PDE6D: variants seen among roughly 807,000 people sequenced by gnomAD.
PDE6D encodes the protein retinal rod rhodopsin-sensitive cGMP 3',5'-cyclic phosphodiesterase subunit delta.
A neutral mutation model predicts 21.9 loss-of-function variants in PDE6D; 10 were observed. The observed-to-expected ratio is 0.46, with a 90% CI of 0.28 to 0.78. The LOEUF (loss-of-function observed/expected upper bound fraction) is 0.78, where lower values mean the gene tolerates loss of function less well. PDE6D is among the 30% of genes least tolerant of loss of function. The pLI is 0.12. For missense variants in PDE6D, 139 were observed against 184.8 expected (o/e 0.75, Z 1.44); for synonymous variants, 59 against 63.5 (o/e 0.93, Z 0.34).
intron 1 of PDE6D, among the ~76,000 whole-genome samples, chr2:231,768,899 G>A (rs533545533): frequency 3.3e-5 from 5 of 151,870 alleles, no homozygotes; most frequent in African/African-American, 4.8e-5. Context: ...CGGGAGTTTC[G>A]CTCTTGTTGC....
intron 1 of PDE6D, among the ~76,000 whole-genome samples, chr2:231,777,381 G>A (rs2049065632): frequency 6.6e-6 from 1 of 151,824 alleles, no homozygotes; most frequent in African/African-American, 2.4e-5. Flanking sequence ...TGTTGGCCAG[G>A]TTGGTCTTGA....
intron 1 of PDE6D, among the ~76,000 whole-genome samples, chr2:231,750,033 TGGGA>T (rs1259638349): frequency 6.6e-6 from 1 of 152,062 alleles, no homozygotes; most frequent in Non-Finnish European, 1.5e-5. Context: ...CCAAGTGTTG[TGGGA>T]GGGATTTAGG....
At chr2:231,767,979 G>A (rs1437318049) in intron 1 of PDE6D, among the ~76,000 whole-genome samples, 1 of 151,684 alleles carries the variant, frequency 6.6e-6, no homozygotes, top group Admixed American at 6.6e-5. Flanking sequence ...CCGAGTAGCT[G>A]GGACTACAGG....
chr2:231,763,220 C>A (rs1026797516), intron 1 of PDE6D, among the ~76,000 whole-genome samples: 1 of 152,076 alleles, frequency 6.6e-6, no homozygotes, highest in African/African-American at 2.4e-5. Flanking sequence ...GCTAGAGAGC[C>A]AAAGGAACAG....
In PDE6D at chr2:231,767,561, C is replaced by T. The variant is rs557927619; in HGVS notation, c.50+13504G>A. On this transcript the variant is annotated intron_variant, in intron 1 of 4. Transcript: ENST00000287600. The stretch of plus-strand genomic sequence containing the variant: ...CAATCTCCTGACCTTGTGATCTGCC[C>T]GCCTTGGCCTCCCAAAGTGCTGGGA... 9.9e-5 allele frequency among the ~76,000 whole-genome samples: 15 copies of T among 152,214 alleles called. No individual in the cohort carries two copies. In the South Asian group the frequency reaches 2.9e-3, roughly 29 times the overall value.
rs114474796 is a variant in PDE6D at position 231,763,069 on chromosome 2, G to C, written c.50+17996C>G. On this transcript the variant is annotated intron_variant, in intron 1 of 4. Coordinates refer to ENST00000287600, the MANE Select transcript of PDE6D (RefSeq NM_002601.4). Reference sequence around the variant, plus strand: ...TTTGAAATCAATCCTAGCTACTATAGATCTGCTCATGAGAGCAAGTTTAAA... The same window carrying C: ...TTTGAAATCAATCCTAGCTACTATACATCTGCTCATGAGAGCAAGTTTAAA... 6.9e-3 allele frequency among the ~76,000 whole-genome samples: 1,045 copies of C among 152,294 alleles called. 8 individuals carry two copies. Among genetic ancestry groups the C allele is most frequent in the African/African-American group, 0.024 (995 of 41,528 alleles).
intron 1 of PDE6D, among the ~76,000 whole-genome samples, chr2:231,774,664 T>C (rs936479872): frequency 6.0e-5 from 9 of 150,208 alleles, no homozygotes; most frequent in Non-Finnish European, 1.0e-4. Context: ...TCTCGGCTCA[T>C]TGCAACCTTG....
rs548930736 is a variant in PDE6D, at chr2:231,768,133, C to T, written c.50+12932G>A. ...GTGTTGGGATTACAGGTGTGAGCCACTGTATCTGCCACTATCTATTATTCT... is the reference window on the plus strand; with the variant it reads ...GTGTTGGGATTACAGGTGTGAGCCATTGTATCTGCCACTATCTATTATTCT... On this transcript the variant is annotated intron_variant, in intron 1 of 4. Coordinates refer to ENST00000287600, the MANE Select transcript of PDE6D (RefSeq NM_002601.4). Among the ~76,000 whole-genome samples, 9 of 152,282 alleles carry T rather than the reference C, an allele frequency of 5.9e-5. No individual in the cohort carries two copies. In the East Asian group the frequency reaches 1.2e-3, roughly 20 times the overall value.
At chr2:231,734,339 TATG>T in intron 4 of PDE6D, among the ~76,000 whole-genome samples, 1 of 152,154 alleles carries the variant, frequency 6.6e-6, no homozygotes. Flanking sequence ...ATTTTTGACT[TATG>T]ATATTTTCAT....
chr2:231,754,730 A>T (rs1179586732), intron 1 of PDE6D, among the ~76,000 whole-genome samples: 1 of 150,784 alleles, frequency 6.6e-6, no homozygotes, highest in African/African-American at 2.4e-5. Context: ...AGCAAAACTT[A>T]TTCCAAAGAA....
intron 1 of PDE6D, among the ~76,000 whole-genome samples, chr2:231,750,578 C>G (rs1471131066): frequency 6.7e-6 from 1 of 150,248 alleles, no homozygotes; most frequent in East Asian, 1.9e-4. Flanking sequence ...CTCACTGCAA[C>G]CTCCTCCCGG....
intron 1 of PDE6D, among the ~76,000 whole-genome samples, chr2:231,750,804 G>C (rs2048834034): frequency 6.6e-6 from 1 of 151,304 alleles, no homozygotes; most frequent in Non-Finnish European, 1.5e-5. Context: ...CACCATGCCT[G>C]GCCTCACATC....
At chr2:231,735,716 A>G (rs950884849) in intron 4 of PDE6D, among the ~76,000 whole-genome samples, 1 of 144,966 alleles carries the variant, frequency 6.9e-6, no homozygotes, top group African/African-American at 2.5e-5. Context: ...TGGCTGTTAA[A>G]AAAACTATTA....
At chr2:231,750,108 C>T (rs1215965735) in intron 1 of PDE6D, among the ~76,000 whole-genome samples, 3 of 152,066 alleles carry the variant, frequency 2.0e-5, no homozygotes, top group East Asian at 1.9e-4. Context: ...ATAAGTCTCA[C>T]GAGATTTGAT....
At chr2:231,757,405 C>A (rs1043172760) in intron 1 of PDE6D, among the ~76,000 whole-genome samples, 2 of 152,196 alleles carry the variant, frequency 1.3e-5, no homozygotes, top group Non-Finnish European at 2.9e-5. Context: ...TCAAGCAATT[C>A]TCCTGCCTCA....
In PDE6D at chr2:231,749,438, T is replaced by C. The variant is rs183275708; in HGVS notation, c.51-10250A>G. Among the ~76,000 whole-genome samples, 69 of 152,246 alleles carry C rather than the reference T, an allele frequency of 4.5e-4. 3 individuals are homozygous for C. Among genetic ancestry groups the C allele is most frequent in the African/African-American group, 1.7e-3 (69 of 41,548 alleles). ...CGTATCTAGGAAATAACTAGTTTGCTTTTGATTTTACAGGCTCATAGGCGG... is the reference window on the plus strand; with the variant it reads ...CGTATCTAGGAAATAACTAGTTTGCCTTTGATTTTACAGGCTCATAGGCGG... On this transcript the variant is annotated intron_variant, in intron 1 of 4. Coordinates refer to ENST00000287600, the MANE Select transcript of PDE6D (RefSeq NM_002601.4).
intron 1 of PDE6D, among the ~76,000 whole-genome samples, chr2:231,756,832 T>C (rs2048886401): frequency 6.6e-6 from 1 of 151,254 alleles, no homozygotes; most frequent in African/African-American, 2.4e-5. Context: ...TGGTGAAGCA[T>C]CTTCTGAGAA....
rs567256518 is a variant in PDE6D at position 231,767,379 on chromosome 2, G to A, written c.50+13686C>T. Among the ~76,000 whole-genome samples the A allele has an allele frequency of 2.0e-5, 3 of 151,668 alleles. No homozygotes were observed. The South Asian group carries it at 6.2e-4, about 31-fold the overall frequency. On this transcript the variant is annotated intron_variant, in intron 1 of 4. Coordinates refer to ENST00000287600, the MANE Select transcript of PDE6D (RefSeq NM_002601.4). ...TGCCAAGGCTGGAGTGCAGTGGTGCGATCTTGGCTCACTGCAAGCTCTGCC... is the reference window on the plus strand; with the variant it reads ...TGCCAAGGCTGGAGTGCAGTGGTGCAATCTTGGCTCACTGCAAGCTCTGCC...
At position 231,758,790 on chromosome 2, in the gene PDE6D, G is replaced by A. The variant is rs543611867; in HGVS notation, c.51-19602C>T. Among the ~76,000 whole-genome samples the A allele has an allele frequency of 2.0e-5, 3 of 152,206 alleles. No homozygotes were observed. In the South Asian group the frequency reaches 6.2e-4, roughly 32 times the overall value. On this transcript the variant is annotated intron_variant, in intron 1 of 4. Transcript: ENST00000287600. ...GAGATCTTGTTAAAATACAGATTCT[G>A]GTTCAGTAGATTGGGGTGGGATCTG...
Sources: allele counts gnomAD v4.1 joint callset (sites outside exome capture counted in the v4.1 genomes callset), GRCh38; gene constraint gnomAD v4.1.1; transcripts MANE v1.5; gene names NCBI Gene and HGNC (gene_info 2026-07-23, HGNC 2026-07-21).